N4BP1: variants seen among roughly 807,000 people sequenced by gnomAD.
The protein encoded by N4BP1 is NEDD4 binding protein 1.
Under a neutral mutation model 70.9 loss-of-function variants are expected in N4BP1, and 21 were observed. The ratio of observed to expected loss-of-function variants is 0.30; its 90% CI spans 0.21 to 0.43. The LOEUF (loss-of-function observed/expected upper bound fraction) is 0.43, where lower values mean the gene tolerates loss of function less well. N4BP1 is among the 20% of genes least tolerant of loss of function. N4BP1 has a pLI of 1.00. For synonymous variants in N4BP1, 387 were observed against 394.6 expected (o/e 0.98, Z 0.23); for missense variants, 936 against 1,069.4 (o/e 0.88, Z 1.74).
intron 1 of N4BP1, among the ~76,000 whole-genome samples, chr16:48,604,619 AC>A: frequency 6.8e-6 from 1 of 146,118 alleles, no homozygotes. Context: ...AAAAACAAAA[AC>A]AAAAACTAAA....
At chr16:48,594,018 A>AG (rs1491550222) in intron 1 of N4BP1, among the ~76,000 whole-genome samples, 7 of 128,714 alleles carry the variant, frequency 5.4e-5, no homozygotes, top group Non-Finnish European at 1.1e-4. Context: ...AAAAAAAAAA[A>AG]CAAAAAAAAA....
intron 1 of N4BP1, among the ~76,000 whole-genome samples, chr16:48,564,169 T>G (rs1794893309): frequency 6.6e-6 from 1 of 152,204 alleles, no homozygotes; most frequent in East Asian, 1.9e-4. Context: ...TCTCCTGGTC[T>G]GTAGTTTGTC....
At chr16:48,586,757 T>C (rs1964251738) in intron 1 of N4BP1, among the ~76,000 whole-genome samples, 1 of 152,248 alleles carries the variant, frequency 6.6e-6, no homozygotes, top group African/African-American at 2.4e-5. Flanking sequence ...TAAAACTAAT[T>C]TCTTTGGAGT....
Position 48,562,140 on chromosome 16 carries a change from G to T in N4BP1, c.503C>A (p.Ala168Glu), listed in dbSNP as rs759947250. The T allele has an allele frequency of 5.0e-6, 8 of 1,613,872 alleles. No individual in the cohort carries two copies. The African/African-American group carries it at 9.3e-5, about 19-fold the overall frequency. ...REFKQFVEAH[A>E]DNYTMDLLIL... ...CAACAAATCCATTGTGTAATTGTCT[G>T]CATGGGCTTCAACAAATTGTTTGAA... The change falls in exon 2 of 7, where the codon GCA becomes GAA. Residue 168 changes from alanine to glutamate, a missense_variant. This residue lies in a region of N4BP1 where 187 missense variants were observed against 217.1 expected (regional missense o/e 0.86). Transcript: ENST00000262384.
Position 48,542,802 on chromosome 16 carries a change from G to GT in N4BP1, c.*101_*102insA. On this transcript the variant is annotated 3_prime_UTR_variant, in exon 7 of 7. Coordinates refer to ENST00000262384, the MANE Select transcript of N4BP1 (RefSeq NM_153029.4). ...TTCTGTACAACTGCGTTTACACTGGGAAATAAGTTTCTTCACATTATGTTC... is the reference window on the plus strand; with the variant it reads ...TTCTGTACAACTGCGTTTACACTGGGTAAATAAGTTTCTTCACATTATGTTC... 1 of 1,109,106 alleles carries GT rather than the reference G, an allele frequency of 9.0e-7. No individual in the cohort carries two copies. Among genetic ancestry groups the GT allele is most frequent in the African/African-American group, 1.6e-5 (1 of 63,872 alleles). The allele number at this position is 1,109,106 out of a possible 1,614,324, so 68.7% of individuals were successfully genotyped here.
chr16:48,592,198 T>C (rs1964349524), intron 1 of N4BP1, among the ~76,000 whole-genome samples: 1 of 152,126 alleles, frequency 6.6e-6, no homozygotes, highest in Non-Finnish European at 1.5e-5. Context: ...CACTGCAATC[T>C]AGCCTGGGTG....
At chr16:48,599,376 T>A (rs1178059743) in intron 1 of N4BP1, among the ~76,000 whole-genome samples, 1 of 152,116 alleles carries the variant, frequency 6.6e-6, no homozygotes, top group East Asian at 1.9e-4. Flanking sequence ...AAATAGAGGG[T>A]AAGAGGAAAA....
At chr16:48,575,952 C>T (rs1267661359) in intron 1 of N4BP1, among the ~76,000 whole-genome samples, 1 of 152,052 alleles carries the variant, frequency 6.6e-6, no homozygotes. Flanking sequence ...ACTACACATG[C>T]AAGGAAACTC....
intron 1 of N4BP1, among the ~76,000 whole-genome samples, chr16:48,572,936 G>T (rs575770467): frequency 1.3e-4 from 20 of 151,684 alleles, no homozygotes; most frequent in Non-Finnish European, 2.8e-4. Context: ...TTTGAGGCCA[G>T]CCTGGGCAAT....
intron 1 of N4BP1, among the ~76,000 whole-genome samples, chr16:48,586,090 G>T (rs1332446074): frequency 2.0e-5 from 3 of 152,180 alleles, no homozygotes; most frequent in Admixed American, 2.0e-4. Context: ...TGGCTAGACT[G>T]ATATTAATTA....
At chr16:48,553,414 T>C (rs879029843) in intron 3 of N4BP1, 125 bp downstream of exon 3, 2 of 927,290 alleles carry the variant, frequency 2.2e-6, no homozygotes, top group South Asian at 7.3e-5. Context: ...TGCAGTAGAT[T>C]TACAATTTTA....
intron 2 of N4BP1, among the ~76,000 whole-genome samples, chr16:48,555,159 A>C (rs1270460928): frequency 6.6e-6 from 1 of 152,172 alleles, no homozygotes; most frequent in African/African-American, 2.4e-5. Context: ...AGTTATTTCT[A>C]GACACAGGGC....
intron 1 of N4BP1, among the ~76,000 whole-genome samples, chr16:48,598,339 C>T (rs556491945): frequency 6.6e-6 from 1 of 152,184 alleles, no homozygotes; most frequent in African/African-American, 2.4e-5. Flanking sequence ...CTAATAAAAA[C>T]ATTAATTAAC....
In N4BP1 at chr16:48,540,570, C is replaced by T. The variant is rs1034285354; in HGVS notation, c.*2334G>A. On this transcript the variant is annotated 3_prime_UTR_variant, in exon 7 of 7. Transcript: ENST00000262384. Reference sequence around the variant, plus strand: ...TTCCAGAGACAGCGGCCTGGAGCCTCGGGAAGAATGTAGGCCCAGGAATCA... The same window carrying T: ...TTCCAGAGACAGCGGCCTGGAGCCTTGGGAAGAATGTAGGCCCAGGAATCA... 3.3e-5 allele frequency: 5 copies of T among 152,396 alleles called. No homozygotes were observed. Among genetic ancestry groups the T allele is most frequent in the South Asian group, 4.1e-4 (2 of 4,836 alleles). 9.4% of individuals were successfully genotyped at this position (152,396 alleles called of 1,614,324 possible). A position where few individuals can be genotyped will look rare whatever the true frequency, so the allele number is the denominator to read the frequency against.
At chr16:48,545,701 A>G (rs1963580312) in intron 6 of N4BP1, among the ~76,000 whole-genome samples, 1 of 150,976 alleles carries the variant, frequency 6.6e-6, no homozygotes, top group South Asian at 2.1e-4. Flanking sequence ...GCTTCCAAAT[A>G]TATGAAACCA....
At chr16:48,607,915 G>GT (rs1280065807) in intron 1 of N4BP1, among the ~76,000 whole-genome samples, 2 of 152,188 alleles carry the variant, frequency 1.3e-5, no homozygotes, top group African/African-American at 4.8e-5. Context: ...CCAGGCTGGA[G>GT]TGCAGTGGCG....
intron 1 of N4BP1, among the ~76,000 whole-genome samples, chr16:48,608,243 T>A (rs2151105216): frequency 6.6e-6 from 1 of 152,304 alleles, no homozygotes; most frequent in African/African-American, 2.4e-5. Context: ...GATCTCGTGA[T>A]CCTTCCACCT....
intron 1 of N4BP1, among the ~76,000 whole-genome samples, chr16:48,590,854 TG>T (rs1964326553): frequency 6.6e-6 from 1 of 152,142 alleles, no homozygotes; most frequent in Admixed American, 6.5e-5. Flanking sequence ...TCGGCTCCTT[TG>T]GGGTCTCAGT....
chr16:48,570,274 G>A (rs1432650425), intron 1 of N4BP1, among the ~76,000 whole-genome samples: 1 of 152,182 alleles, frequency 6.6e-6, no homozygotes, highest in East Asian at 1.9e-4. Context: ...CTTCCAGGTG[G>A]AGCTGTGTTG....
Sources: allele counts gnomAD v4.1 joint callset (sites outside exome capture counted in the v4.1 genomes callset), GRCh38; gene constraint gnomAD v4.1.1; regional missense constraint gnomAD v4.1.1; transcripts MANE v1.5; gene names NCBI Gene and HGNC (gene_info 2026-07-23, HGNC 2026-07-21).